PDCL2: variants seen among roughly 807,000 people sequenced by gnomAD.
The protein encoded by PDCL2 is phosducin like 2, also known as phosducin-like protein 2.
A neutral mutation model predicts 30.3 loss-of-function variants in PDCL2; 23 were observed. The ratio of observed to expected loss-of-function variants is 0.76; its 90% CI spans 0.55 to 1.08. The LOEUF is 1.08. Ranked by LOEUF, PDCL2 falls within the 50% of genes least tolerant of loss-of-function variation. The pLI, the probability that PDCL2 is intolerant of heterozygous loss-of-function variation, is 0.00. For missense variants in PDCL2, 243 were observed against 282.3 expected (o/e 0.86, Z 1.00); for synonymous variants, 68 against 86.2 (o/e 0.79, Z 1.17).
chr4:55,565,841 C>A (rs770213927), intron 4 of PDCL2, among the ~76,000 whole-genome samples: 1 of 151,910 alleles, frequency 6.6e-6, no homozygotes, highest in Non-Finnish European at 1.5e-5. Context: ...TATTGCAATT[C>A]CCCTGTCTTG....
intron 3 of PDCL2, among the ~76,000 whole-genome samples, chr4:55,575,844 G>A (rs1212747841): frequency 6.6e-6 from 1 of 152,046 alleles, no homozygotes; most frequent in Non-Finnish European, 1.5e-5. Flanking sequence ...TCAAGAATGA[G>A]GGTAAATTAA....
intron 4 of PDCL2, among the ~76,000 whole-genome samples, chr4:55,566,589 AT>A (rs56725114): frequency 0.34 from 50,488 of 148,494 alleles, 9,134 homozygotes; most frequent in East Asian, 0.58. Flanking sequence ...AGCCTGGCTA[AT>A]TTTTTTTTTG....
intron 3 of PDCL2, among the ~76,000 whole-genome samples, chr4:55,573,346 G>C (rs1277810087): frequency 3.3e-5 from 5 of 151,894 alleles, no homozygotes; most frequent in African/African-American, 1.2e-4. Flanking sequence ...TTATTTTACA[G>C]CTAATTATCT....
At chr4:55,584,858 T>G (rs556360744) in intron 1 of PDCL2, among the ~76,000 whole-genome samples, 7 of 152,238 alleles carry the variant, frequency 4.6e-5, no homozygotes, top group Non-Finnish European at 1.0e-4. Flanking sequence ...TGTAGGCTTG[T>G]TGTATATGCC....
intron 3 of PDCL2, among the ~76,000 whole-genome samples, chr4:55,570,402 T>C (rs1732390778): frequency 6.6e-6 from 1 of 152,212 alleles, no homozygotes; most frequent in African/African-American, 2.4e-5. Context: ...AATATAGATT[T>C]ATTATAGACA....
At chr4:55,567,301 G>A (rs1237679974) in intron 4 of PDCL2, among the ~76,000 whole-genome samples, 2 of 152,202 alleles carry the variant, frequency 1.3e-5, no homozygotes, top group African/African-American at 4.8e-5. Flanking sequence ...GGGAGGCTGA[G>A]GCAGGAGGAT....
At chr4:55,563,726 T>C (rs1732192470) in intron 4 of PDCL2, among the ~76,000 whole-genome samples, 1 of 152,266 alleles carries the variant, frequency 6.6e-6, no homozygotes, top group East Asian at 1.9e-4. Flanking sequence ...ACAGAAAGAA[T>C]GGAGGCTCTG....
intron 1 of PDCL2, among the ~76,000 whole-genome samples, chr4:55,586,692 G>A (rs142202921): frequency 2.6e-4 from 40 of 152,204 alleles, no homozygotes; most frequent in African/African-American, 9.1e-4. Context: ...GTACATACCT[G>A]GAAGGAGAAT....
At chr4:55,587,237 A>T (rs1166460027) in intron 1 of PDCL2, among the ~76,000 whole-genome samples, 1 of 149,310 alleles carries the variant, frequency 6.7e-6, no homozygotes, top group Non-Finnish European at 1.5e-5. Context: ...AAAAAAAAAA[A>T]AAAAAAAAAG....
chr4:55,575,448 T>C (rs561349561), intron 3 of PDCL2, among the ~76,000 whole-genome samples: 61 of 152,042 alleles, frequency 4.0e-4, no homozygotes, highest in Non-Finnish European at 4.9e-4. Context: ...AACACACATG[T>C]TGTGTGAATC....
intron 3 of PDCL2, among the ~76,000 whole-genome samples, chr4:55,579,344 TTTGA>T (rs1732647315): frequency 6.6e-6 from 1 of 152,210 alleles, no homozygotes; most frequent in African/African-American, 2.4e-5. Context: ...TGTTTGTTTG[TTTGA>T]GATGGAGTTT....
intron 3 of PDCL2, among the ~76,000 whole-genome samples, chr4:55,572,470 G>T (rs1732452854): frequency 6.6e-6 from 1 of 152,148 alleles, no homozygotes; most frequent in African/African-American, 2.4e-5. Flanking sequence ...GAAAGCCAGT[G>T]TAACAACTTT....
chr4:55,584,034 G>A (rs994705160), intron 1 of PDCL2, among the ~76,000 whole-genome samples: 1 of 152,136 alleles, frequency 6.6e-6, no homozygotes, highest in Non-Finnish European at 1.5e-5. Context: ...TCCAATCCAT[G>A]AACATGGAAT....
intron 4 of PDCL2, among the ~76,000 whole-genome samples, chr4:55,568,465 T>C (rs991006617): frequency 3.3e-5 from 5 of 152,206 alleles, no homozygotes; most frequent in African/African-American, 1.2e-4. Context: ...GCTGCATAAT[T>C]CTTGATTGAC....
intron 5 of PDCL2, 80 bp from the exon 6 acceptor site, chr4:55,556,791 T>A: frequency 8.9e-7 from 1 of 1,120,242 alleles, no homozygotes; most frequent in Non-Finnish European, 1.2e-6. Flanking sequence ...AAGAGTTGAC[T>A]CTTAGTAATA....
At chr4:55,588,255 A>T (rs2110169856) in intron 1 of PDCL2, among the ~76,000 whole-genome samples, 1 of 152,272 alleles carries the variant, frequency 6.6e-6, no homozygotes, top group East Asian at 1.9e-4. Context: ...CTTGTGGACA[A>T]AGGACAGACA....
At chr4:55,591,984 A>T in intron 1 of PDCL2, 120 bp downstream of exon 1, 4 of 1,397,954 alleles carry the variant, frequency 2.9e-6, no homozygotes, top group Non-Finnish European at 3.9e-6. Flanking sequence ...AGCACTTTCC[A>T]AGAACAAATG....
Position 55,562,446 on chromosome 4 carries a change from T to A in PDCL2, c.529A>T (p.Ile177Phe). 1 of 1,502,520 alleles carries A rather than the reference T, an allele frequency of 6.7e-7. No homozygotes were observed. The highest frequency in any genetic ancestry group is 8.9e-7 in the Non-Finnish European group (1 of 1,125,836). The allele number at this position is 1,502,520 out of a possible 1,614,324, so 93.1% of individuals were successfully genotyped here. ...YKNGQIEAKF[I>F]GIIECGGINL... ...ATCCCTCCACATTCTATAATTCCAATGAATTTGGCTTCTATCTGACCATTT... is the reference window on the plus strand; with the variant it reads ...ATCCCTCCACATTCTATAATTCCAAAGAATTTGGCTTCTATCTGACCATTT... The change falls in exon 5 of 6, where the codon ATT becomes TTT. Residue 177 changes from isoleucine to phenylalanine, a missense_variant. Transcript: ENST00000295645.
chr4:55,584,789 T>C (rs1732816894), intron 1 of PDCL2, among the ~76,000 whole-genome samples: 1 of 152,182 alleles, frequency 6.6e-6, no homozygotes, highest in Non-Finnish European at 1.5e-5. Context: ...ATAGAAGTAG[T>C]GAGAATGGGC....
Sources: allele counts gnomAD v4.1 joint callset (sites outside exome capture counted in the v4.1 genomes callset), GRCh38; gene constraint gnomAD v4.1.1; transcripts MANE v1.5; gene names NCBI Gene and HGNC (gene_info 2026-07-23, HGNC 2026-07-21).